Variants in MSRA observed in about 807,000 individuals in gnomAD.
The protein encoded by MSRA is mitochondrial peptide methionine sulfoxide reductase.
A neutral mutation model predicts 31.3 loss-of-function variants in MSRA; 54 were observed. The ratio of observed to expected loss-of-function variants is 1.73; its 90% CI spans 1.39 to 2.17. The LOEUF is 2.17. Ranked by LOEUF, MSRA falls within the 30% of genes most tolerant of loss-of-function variation. The pLI, the probability that MSRA is intolerant of heterozygous loss-of-function variation, is 0.00. For synonymous variants in MSRA, 169 were observed against 116.5 expected (o/e 1.45, Z -2.90); for missense variants, 507 against 300.9 (o/e 1.69, Z -5.07).
chr8:10,334,862 G>A (rs983352632), intron 5 of MSRA, among the ~76,000 whole-genome samples: 1 of 152,166 alleles, frequency 6.6e-6, no homozygotes, highest in Admixed American at 6.5e-5. Flanking sequence ...CCCCTCCCCC[G>A]CTCTGGCCGC....
chr8:10,349,482 C>T (rs534786822), intron 5 of MSRA, among the ~76,000 whole-genome samples: 11 of 152,288 alleles, frequency 7.2e-5, no homozygotes, highest in African/African-American at 2.2e-4. Flanking sequence ...CCCCACTTCC[C>T]TTTGGTATTG....
intron 5 of MSRA, among the ~76,000 whole-genome samples, chr8:10,374,851 C>T (rs1030090245): frequency 2.0e-5 from 3 of 152,160 alleles, no homozygotes; most frequent in Non-Finnish European, 4.4e-5. Flanking sequence ...GCAGATGCTT[C>T]GTGAATGGCT....
At chr8:10,324,721 C>G (rs986115364) in intron 5 of MSRA, among the ~76,000 whole-genome samples, 1 of 152,080 alleles carries the variant, frequency 6.6e-6, no homozygotes, top group African/African-American at 2.4e-5. Flanking sequence ...ATGTGTGGTT[C>G]CAGGGAGCAG....
intron 1 of MSRA, among the ~76,000 whole-genome samples, chr8:10,056,338 G>A (rs1802369399): frequency 6.6e-6 from 1 of 151,602 alleles, no homozygotes; most frequent in Admixed American, 6.6e-5. Flanking sequence ...TTCCTAATAT[G>A]TAAATGACAT....
chr8:10,182,691 G>C (rs775986091), intron 1 of MSRA, among the ~76,000 whole-genome samples: 1 of 152,184 alleles, frequency 6.6e-6, no homozygotes, highest in Non-Finnish European at 1.5e-5. Flanking sequence ...GTTTCCAAGA[G>C]CCATTGGGCT....
chr8:10,368,823 C>G (rs1183758008), intron 5 of MSRA, among the ~76,000 whole-genome samples: 1 of 152,206 alleles, frequency 6.6e-6, no homozygotes, highest in Non-Finnish European at 1.5e-5. Flanking sequence ...TGTCTTGTCA[C>G]TTTTCCCTTC....
chr8:10,357,032 T>G (rs1804550118), intron 5 of MSRA, among the ~76,000 whole-genome samples: 1 of 152,206 alleles, frequency 6.6e-6, no homozygotes, highest in South Asian at 2.1e-4. Flanking sequence ...TCCTCTGTCT[T>G]TTGTATTTCC....
intron 2 of MSRA, among the ~76,000 whole-genome samples, chr8:10,226,522 C>G (rs1811015047): frequency 6.6e-6 from 1 of 152,176 alleles, no homozygotes; most frequent in Admixed American, 6.5e-5. Context: ...ACTGCAGTGT[C>G]ATGGTCATTG....
At chr8:10,109,766 G>A (rs542103449) in intron 1 of MSRA, among the ~76,000 whole-genome samples, 1 of 152,206 alleles carries the variant, frequency 6.6e-6, no homozygotes, top group African/African-American at 2.4e-5. Flanking sequence ...TTAATGAGGA[G>A]ATGAAGTCAT....
intron 3 of MSRA, among the ~76,000 whole-genome samples, chr8:10,247,925 T>C (rs1199433160): frequency 4.6e-5 from 7 of 151,892 alleles, no homozygotes; most frequent in Non-Finnish European, 8.8e-5. Flanking sequence ...CTCGCTAGAG[T>C]AATTATGGTA....
At chr8:10,218,820 T>G (rs996872301) in intron 2 of MSRA, among the ~76,000 whole-genome samples, 4 of 152,220 alleles carry the variant, frequency 2.6e-5, no homozygotes, top group Non-Finnish European at 4.4e-5. Flanking sequence ...TTAACCAGAT[T>G]ATTGAAATTT....
At chr8:10,411,584 CTGCT>C (rs1166488540) in intron 5 of MSRA, 2 of 152,140 alleles carry the variant, frequency 1.3e-5, no homozygotes, top group Non-Finnish European at 2.9e-5. Flanking sequence ...GGGAGAATTT[CTGCT>C]TGCAAGCTGG....
chr8:10,350,354 C>G (rs1221063934), intron 5 of MSRA, among the ~76,000 whole-genome samples: 1 of 152,242 alleles, frequency 6.6e-6, no homozygotes, highest in African/African-American at 2.4e-5. Flanking sequence ...CTGCATGCAG[C>G]CAGCAGTTAG....
intron 1 of MSRA, among the ~76,000 whole-genome samples, chr8:10,108,250 T>C (rs1446935493): frequency 6.6e-6 from 1 of 152,212 alleles, no homozygotes; most frequent in Non-Finnish European, 1.5e-5. Flanking sequence ...GAGATACCCA[T>C]TGGTTCCATT....
intron 1 of MSRA, among the ~76,000 whole-genome samples, chr8:10,179,338 G>A (rs1563187442): frequency 6.6e-6 from 1 of 152,152 alleles, no homozygotes; most frequent in Non-Finnish European, 1.5e-5. Context: ...TCTAATCGTG[G>A]GACTTTGGGC....
chr8:10,129,815 C>T (rs1280195424), intron 1 of MSRA, among the ~76,000 whole-genome samples: 2 of 151,606 alleles, frequency 1.3e-5, no homozygotes, highest in Non-Finnish European at 2.9e-5. Flanking sequence ...CTTGTGCAAA[C>T]TCTGTGTCTG....
chr8:10,385,120 G>A (rs994101734), intron 5 of MSRA, among the ~76,000 whole-genome samples: 1 of 152,236 alleles, frequency 6.6e-6, no homozygotes, highest in African/African-American at 2.4e-5. Flanking sequence ...CATAGGTAAG[G>A]AGCAGGAGAT....
At chr8:10,212,180 C>CT (rs1260959993) in intron 2 of MSRA, among the ~76,000 whole-genome samples, 1 of 150,862 alleles carries the variant, frequency 6.6e-6, no homozygotes, top group Non-Finnish European at 1.5e-5. Context: ...GAGCGAGACT[C>CT]TGTCTAAAAA....
chr8:10,182,061 A>T (rs1392668216), intron 1 of MSRA, among the ~76,000 whole-genome samples: 1 of 152,144 alleles, frequency 6.6e-6, no homozygotes, highest in Non-Finnish European at 1.5e-5. Flanking sequence ...TACAGCTCCT[A>T]TCTGGATCTC....
Sources: gnomAD v4.1 joint callset for allele counts (sites outside exome capture counted in the v4.1 genomes callset) on GRCh38, gnomAD v4.1.1 for gene constraint, MANE v1.5 for transcripts, NCBI Gene and HGNC (gene_info 2026-07-23, HGNC 2026-07-21) for gene names.